NAV2: variants seen among roughly 807,000 people sequenced by gnomAD.
The protein encoded by NAV2 is neuron navigator 2.
Under a neutral mutation model 223.2 loss-of-function variants are expected in NAV2, and 54 were observed. That is an observed-to-expected ratio of 0.24 (90% CI 0.19 to 0.30). NAV2 has a LOEUF of 0.30. Among genes scored for constraint, NAV2 ranks in the 10% least tolerant of loss-of-function variants. The pLI is 1.00. For synonymous variants in NAV2, 1,279 were observed against 1,239.3 expected (o/e 1.03, Z -0.67); for missense variants, 2,806 against 3,147.5 (o/e 0.89, Z 2.60).
chr11:19,491,472 G>C (rs542472426), intron 1 of NAV2, among the ~76,000 whole-genome samples: 4 of 152,200 alleles, frequency 2.6e-5, no homozygotes, highest in Admixed American at 2.0e-4. Flanking sequence ...GGAGGTGGCT[G>C]TTTTCCTTAA....
chr11:20,069,408 T>A (rs11824215), intron 22 of NAV2, among the ~76,000 whole-genome samples: 22,601 of 151,868 alleles, frequency 0.15, 1,884 homozygotes, highest in African/African-American at 0.2. Context: ...GCTGTTGGGG[T>A]GAGCATCCGG....
intron 3 of NAV2, among the ~76,000 whole-genome samples, chr11:19,858,069 G>T (rs1328109163): frequency 1.3e-5 from 2 of 152,144 alleles, no homozygotes; most frequent in Admixed American, 1.3e-4. Context: ...TGTTAGCCAG[G>T]ATGGTCTCGA....
chr11:19,784,466 AATT>A (rs1006780191), intron 1 of NAV2, among the ~76,000 whole-genome samples: 7 of 147,668 alleles, frequency 4.7e-5, no homozygotes, highest in African/African-American at 9.8e-5. Context: ...TAATAATAGT[AATT>A]ATTATTATTA....
intron 1 of NAV2, among the ~76,000 whole-genome samples, chr11:19,568,607 G>T (rs764540385): frequency 1.1e-4 from 17 of 152,230 alleles, no homozygotes; most frequent in Non-Finnish European, 1.9e-4. Context: ...GCACTTCACA[G>T]ACTTGATCTC....
At chr11:19,593,453 C>G (rs1162228431) in intron 1 of NAV2, among the ~76,000 whole-genome samples, 2 of 152,170 alleles carry the variant, frequency 1.3e-5, no homozygotes, top group African/African-American at 4.8e-5. Flanking sequence ...GGAAAAGTAT[C>G]TGGGTTGTTT....
chr11:20,016,357 A>G (rs2054002592), intron 11 of NAV2, among the ~76,000 whole-genome samples: 1 of 152,164 alleles, frequency 6.6e-6, no homozygotes, highest in African/African-American at 2.4e-5. Context: ...TCAGATTTAG[A>G]ATGGGAAGGG....
At chr11:19,969,173 T>C (rs2049016049) in intron 10 of NAV2, among the ~76,000 whole-genome samples, 1 of 152,246 alleles carries the variant, frequency 6.6e-6, no homozygotes, top group Non-Finnish European at 1.5e-5. Flanking sequence ...TGCTCCCCAC[T>C]ATACTGCTTT....
At chr11:20,020,962 G>A (rs1263412801) in intron 11 of NAV2, among the ~76,000 whole-genome samples, 4 of 152,066 alleles carry the variant, frequency 2.6e-5, no homozygotes, top group Non-Finnish European at 5.9e-5. Context: ...CCTTTGCACT[G>A]ACCATTTCCT....
chr11:19,615,247 C>T (rs1312361298), intron 1 of NAV2, among the ~76,000 whole-genome samples: 1 of 151,200 alleles, frequency 6.6e-6, no homozygotes, highest in African/African-American at 2.4e-5. Flanking sequence ...ATATAATGAC[C>T]AGAGTTTTTC....
At chr11:19,844,787 TTTTTTGTTTTTG>T (rs551152079) in intron 3 of NAV2, among the ~76,000 whole-genome samples, 371 of 152,192 alleles carry the variant, frequency 2.4e-3, no homozygotes, top group Non-Finnish European at 3.9e-3. Flanking sequence ...AGTGCTATAT[TTTTTTGTTTTTG>T]TTTTTGTGTG....
intron 28 of NAV2, 41 bp from the exon 29 acceptor site, chr11:20,093,058 G>A (rs1192057383): frequency 1.3e-6 from 2 of 1,502,732 alleles, no homozygotes; most frequent in East Asian, 2.3e-5. Context: ...TGGCTTTGCT[G>A]TCCCCATGTG....
intron 1 of NAV2, among the ~76,000 whole-genome samples, chr11:19,534,500 T>TGA: frequency 6.6e-6 from 1 of 151,404 alleles, no homozygotes; most frequent in African/African-American, 2.4e-5. Flanking sequence ...ATAAAAGAGG[T>TGA]GAGAGAGAGA....
chr11:19,602,866 T>G (rs2046384627), intron 1 of NAV2, among the ~76,000 whole-genome samples: 1 of 152,190 alleles, frequency 6.6e-6, no homozygotes, highest in Admixed American at 6.5e-5. Flanking sequence ...GCAAAGATCC[T>G]TTTTCCAAAT....
intron 1 of NAV2, among the ~76,000 whole-genome samples, chr11:19,768,109 C>T (rs2055376037): frequency 6.6e-6 from 1 of 152,216 alleles, no homozygotes; most frequent in Admixed American, 6.5e-5. Context: ...GAAGAGCAGA[C>T]ACATGTGGTT....
intron 1 of NAV2, among the ~76,000 whole-genome samples, chr11:19,554,243 G>C (rs1252186815): frequency 6.6e-6 from 1 of 152,196 alleles, no homozygotes; most frequent in Non-Finnish European, 1.5e-5. Context: ...TTTAATTTGA[G>C]AAATGAGGAG....
chr11:20,045,522 G>C lies in NAV2; in HGVS notation c.3754G>C (p.Glu1252Gln), dbSNP rs773341842. The change falls in exon 14 of 38, where the codon GAG (glutamate) becomes CAG (glutamine). Residue 1252 changes from glutamate (E) to glutamine (Q), a missense_variant. Glu to Gln is a conservative substitution (Grantham distance 29, BLOSUM62 2). Transcript: ENST00000349880. ...AGGTCTGGTCAACCAAACAGACAAG[G>C]AGAAAGGCATCTCATCAGACAACGA... ...LPGLVNQTDKEKGISSDNESV... is the reference protein window; with the variant it reads ...LPGLVNQTDKQKGISSDNESV... 3.1e-6 allele frequency: 5 copies of C among 1,614,112 alleles called. No individual in the cohort carries two copies. Among genetic ancestry groups the C allele is most frequent in the Non-Finnish European group, 3.4e-6 (4 of 1,180,006 alleles).
In NAV2 at chr11:19,851,039, G is replaced by A. The variant is rs188135048; in HGVS notation, c.438+8116G>A. On this transcript the variant is annotated intron_variant, in intron 3 of 37. Coordinates refer to ENST00000349880, the MANE Select transcript of NAV2 (RefSeq NM_145117.5). ...TTTCCACCATGCTTTTATTTAACAA[G>A]GTATAGCAAACACTTAGAGTAGGTA... Among the ~76,000 whole-genome samples, 29 of 152,198 alleles carry A rather than the reference G, an allele frequency of 1.9e-4. No homozygotes were observed. The East Asian group carries it at 4.8e-3, about 25-fold the overall frequency.
chr11:19,414,843 C>T (rs938133210), intron 1 of NAV2, among the ~76,000 whole-genome samples: 4 of 152,150 alleles, frequency 2.6e-5, no homozygotes, highest in African/African-American at 7.2e-5. Context: ...TCCTGAATGA[C>T]TACTGGGTAA....
chr11:19,876,913 A>C (rs2062867849), intron 4 of NAV2, among the ~76,000 whole-genome samples: 1 of 148,330 alleles, frequency 6.7e-6, no homozygotes, highest in Non-Finnish European at 1.5e-5. Flanking sequence ...ATTTTATAAA[A>C]TAAACATTAA....
Sources: gnomAD v4.1 joint callset for allele counts (sites outside exome capture counted in the v4.1 genomes callset) on GRCh38, gnomAD v4.1.1 for gene constraint, MANE v1.5 for transcripts, NCBI Gene and HGNC (gene_info 2026-07-23, HGNC 2026-07-21) for gene names.